Variants in HTT observed in about 807,000 individuals in gnomAD.
HTT encodes huntington disease protein.
Under a neutral mutation model 362.3 loss-of-function variants are expected in HTT, and 104 were observed. The observed-to-expected ratio is 0.29, with a 90% CI of 0.24 to 0.34. The LOEUF (loss-of-function observed/expected upper bound fraction) is 0.34. HTT is among the 10% of genes least tolerant of loss of function. HTT has a pLI of 1.00. For synonymous variants in HTT, 1,577 were observed against 1,548.7 expected, an observed-to-expected ratio of 1.02 and a Z score of -0.43; for missense variants, 3,301 against 3,928.6, an observed-to-expected ratio of 0.84 and a Z score of 4.27.
chr4:3,146,958 C>A lies in HTT; in HGVS notation c.3295+10C>A, dbSNP rs1195583497. On this transcript the variant is annotated intron_variant, in intron 25 of 66. Transcript: ENST00000355072. The stretch of plus-strand genomic sequence containing the variant: ...GGAAACTTGCTTGCAGGTACTGGTA[C>A]TGAGTTGAAACAGGGACTCCAGGAC... 6.2e-7 allele frequency: 1 copy of A among 1,613,844 alleles called. No homozygotes were observed. The highest frequency in any genetic ancestry group is 1.3e-5 in the African/African-American group (1 of 74,910).
At chr4:3,212,774 G>A in intron 49 of HTT, 65 bp downstream of exon 49, 1 of 1,545,818 alleles carries the variant, frequency 6.5e-7, no homozygotes, top group Non-Finnish European at 8.9e-7. Flanking sequence ...CACTGAAGAG[G>A]GTAAAGCAGT....
intron 21 of HTT, among the ~76,000 whole-genome samples, chr4:3,139,436 G>A (rs897702048): frequency 2.0e-5 from 3 of 152,080 alleles, no homozygotes; most frequent in African/African-American, 7.2e-5. Context: ...GGCCTCAAGC[G>A]GTCCCCCTGT....
chr4:3,080,017 T>G (rs749683010), intron 1 of HTT, among the ~76,000 whole-genome samples: 1 of 152,084 alleles, frequency 6.6e-6, no homozygotes, highest in Non-Finnish European at 1.5e-5. Flanking sequence ...TAGCTTAAAC[T>G]GGTAACAAGC....
chr4:3,211,823 C>T (rs936997984), intron 47 of HTT, 106 bp from the exon 48 acceptor site: 1 of 790,158 alleles, frequency 1.3e-6, no homozygotes, highest in African/African-American at 1.7e-5. Flanking sequence ...TTTGTATTTT[C>T]TCAGAAACAT....
Position 3,214,109 on chromosome 4 carries a change from A to T in HTT, c.6926A>T (p.Tyr2309Phe). 1 of 1,549,434 alleles carries T rather than the reference A, an allele frequency of 6.5e-7. No homozygotes were observed. The highest frequency in any genetic ancestry group is 8.8e-7 in the Non-Finnish European group (1 of 1,140,026). The part of the protein sequence containing the change: ...EFVTHACSLI[Y>F]CVHFILEAVA... ...GTGACCCACGCCTGCTCCCTCATCT[A>T]CTGTGTGCACTTCATCCTGGAGGCC... The change falls in exon 50 of 67, where the codon TAC becomes TTC. Residue 2309 changes from tyrosine to phenylalanine, a missense_variant. This residue lies in a region of HTT where 220 missense variants were observed against 218.5 expected (regional missense o/e 1.01). Transcript: ENST00000355072.
chr4:3,193,030 G>C (rs1408141486), intron 40 of HTT, among the ~76,000 whole-genome samples: 1 of 152,256 alleles, frequency 6.6e-6, no homozygotes, highest in Admixed American at 6.5e-5. Flanking sequence ...GGCAGAGGCA[G>C]GATTTCTGAG....
At chr4:3,189,187 C>T in intron 40 of HTT, 94 bp downstream of exon 40, 2 of 1,271,550 alleles carry the variant, frequency 1.6e-6, no homozygotes, top group Non-Finnish European at 2.2e-6. Flanking sequence ...CCGGTAGAAA[C>T]TCTGCCTTGC....
chr4:3,109,516 C>T (rs897888754), intron 6 of HTT, among the ~76,000 whole-genome samples: 2 of 152,128 alleles, frequency 1.3e-5, no homozygotes, highest in Non-Finnish European at 1.5e-5. Context: ...TGAGCCACTG[C>T]GCCCAGCAAC....
chr4:3,131,197 G>A (rs1261269439), intron 14 of HTT, 89 bp from the exon 15 acceptor site: 9 of 1,006,214 alleles, frequency 8.9e-6, no homozygotes, highest in Non-Finnish European at 1.4e-5. Flanking sequence ...CCTGGCTTAA[G>A]TGCTGCTCTG....
At chr4:3,154,243 C>T in intron 26 of HTT, 50 bp from the exon 27 acceptor site, 1 of 1,390,938 alleles carries the variant, frequency 7.2e-7, no homozygotes, top group East Asian at 2.5e-5. Flanking sequence ...GTTATACTTC[C>T]ATCACATGTT....
At chr4:3,182,951 C>A (rs549091198) in intron 37 of HTT, among the ~76,000 whole-genome samples, 1 of 152,246 alleles carries the variant, frequency 6.6e-6, no homozygotes, top group South Asian at 2.1e-4. Flanking sequence ...CGTGTAATCT[C>A]ACTGCAACAA....
chr4:3,240,022 C>CT lies in HTT; in HGVS notation c.9394dup (p.Cys3132LeufsTer84), dbSNP rs759551839. ...GGAAGCCCATATCACCGGCTGCTGA[C>CT]TTGTTTACGAAATGTCCACAAGGTC... is the stretch of plus-strand genomic sequence containing the variant. On this transcript the variant is annotated frameshift_variant, in exon 67 of 67. Coordinates refer to ENST00000355072, the MANE Select transcript of HTT (RefSeq NM_001388492.1). LOFTEE classifies it high-confidence loss of function. 6.3e-7 allele frequency: 1 copy of CT among 1,599,634 alleles called. No individual in the cohort carries two copies.
Position 3,235,776 on chromosome 4 carries a change from C to T in HTT, c.8783C>T (p.Thr2928Ile). The change falls in exon 63 of 67, where the codon ACA (threonine) becomes ATA (isoleucine). Residue 2928 changes from threonine to isoleucine, a missense_variant and splice_region_variant. Transcript: ENST00000355072. The part of the protein sequence containing the change: ...ALGLMLTCMY[T>I]GKEKVSPGRT... ...GGCCTGATGCTCACCTGCATGTACA[C>T]AGGTGAGCATGTACACGGTGCCCAT... The T allele has an allele frequency of 6.2e-7, 1 of 1,605,138 alleles. No homozygotes were observed.
intron 18 of HTT, among the ~76,000 whole-genome samples, chr4:3,134,154 A>G (rs1715956285): frequency 6.6e-6 from 1 of 152,218 alleles, no homozygotes; most frequent in Non-Finnish European, 1.5e-5. Flanking sequence ...AAACCATGAC[A>G]TAAGCAGAAA....
chr4:3,093,891 AC>A (rs1314654154), intron 2 of HTT, among the ~76,000 whole-genome samples: 15 of 45,472 alleles, frequency 3.3e-4, no homozygotes, highest in African/African-American at 1.2e-3. Context: ...GATATCATTT[AC>A]CCCTTTAAGT....
intron 19 of HTT, among the ~76,000 whole-genome samples, chr4:3,134,786 G>A (rs963492982): frequency 1.3e-5 from 2 of 152,126 alleles, no homozygotes; most frequent in East Asian, 1.9e-4. Flanking sequence ...CTTGAATGCA[G>A]TAGCACAATC....
chr4:3,200,552 A>T (rs1361076881), intron 41 of HTT, among the ~76,000 whole-genome samples: 2 of 152,166 alleles, frequency 1.3e-5, no homozygotes, highest in Non-Finnish European at 2.9e-5. Context: ...CTGAATCCTC[A>T]GCACAGTATT....
In HTT at chr4:3,239,254, G is replaced by A. The variant is rs1721693624; in HGVS notation, c.9215+276G>A. 2.0e-5 allele frequency among the ~76,000 whole-genome samples: 3 copies of A among 152,210 alleles called. No individual in the cohort carries two copies. In the South Asian group the frequency reaches 6.2e-4, roughly 32 times the overall value. ...GAGGGCCTGGGTGAGGGGAGCGAGG[G>A]TGGGCGGTGGTCTCTGCAGACGTCC... On this transcript the variant is annotated intron_variant, in intron 66 of 66. Transcript: ENST00000355072.
Position 3,212,077 on chromosome 4 carries a change from A to G in HTT, c.6563A>G (p.His2188Arg), listed in dbSNP as rs573353052. Residue 2188 changes from histidine to arginine, a missense_variant, in exon 48 of 67, where the codon CAT becomes CGT. By Grantham distance (29) the His-to-Arg change is conservative. Coordinates refer to ENST00000355072, the MANE Select transcript of HTT (RefSeq NM_001388492.1). ...GTGCAGCAGCTCCCTGCTGTCCATCATGTCTTCCAGCCCGAGCTGCCTGCA... is the reference window on the plus strand; with the variant it reads ...GTGCAGCAGCTCCCTGCTGTCCATCGTGTCTTCCAGCCCGAGCTGCCTGCA... Reference protein sequence around the residue: ...GTVQQLPAVHHVFQPELPAEP... With the variant: ...GTVQQLPAVHRVFQPELPAEP... 1.2e-6 allele frequency: 2 copies of G among 1,614,214 alleles called. No homozygotes were observed. Among genetic ancestry groups the G allele is most frequent in the Non-Finnish European group, 8.5e-7 (1 of 1,180,030 alleles).
Sources: gnomAD v4.1 joint callset for allele counts (sites outside exome capture counted in the v4.1 genomes callset) on GRCh38, gnomAD v4.1.1 for gene constraint, gnomAD v4.1.1 regional missense constraint, MANE v1.5 for transcripts, NCBI Gene and HGNC (gene_info 2026-07-23, HGNC 2026-07-21) for gene names.